The following GALNT7 variants were observed in gnomAD, a reference collection of about 807,000 sequenced individuals.
The protein encoded by GALNT7 is N-acetylgalactosaminyltransferase 7.
Under a neutral mutation model 82.1 loss-of-function variants are expected in GALNT7, and 60 were observed. The observed-to-expected ratio is 0.73, with a 90% CI of 0.59 to 0.91. The LOEUF is 0.91. Ranked by LOEUF, GALNT7 falls within the 40% of genes least tolerant of loss-of-function variation. GALNT7 has a pLI of 0.00. For synonymous variants in GALNT7, 243 were observed against 275.1 expected, an observed-to-expected ratio of 0.88 and a Z score of 1.15; for missense variants, 660 against 804.2, an observed-to-expected ratio of 0.82 and a Z score of 2.17.
chr4:173,238,142 CAT>C lies in GALNT7; in HGVS notation c.127-9835_127-9834del, dbSNP rs572155557. 1.9e-3 allele frequency among the ~76,000 whole-genome samples: 284 copies of C among 152,222 alleles called. 2 individuals are homozygous for C. The highest frequency in any genetic ancestry group is 6.6e-3 in the African/African-American group (274 of 41,554). The stretch of plus-strand genomic sequence containing the variant: ...AATATATATGCATACATAAATTATT[CAT>C]ATGTTTAAAATTTCTCACAGATTTT... On this transcript the variant is annotated intron_variant, in intron 1 of 11. Transcript: ENST00000265000.
intron 1 of GALNT7, among the ~76,000 whole-genome samples, chr4:173,246,045 G>A (rs1353303729): frequency 6.6e-6 from 1 of 152,136 alleles, no homozygotes; most frequent in Non-Finnish European, 1.5e-5. Flanking sequence ...ATTTAGGGGG[G>A]AACTTGTGAA....
At chr4:173,261,867 G>T (rs1028940521) in intron 2 of GALNT7, among the ~76,000 whole-genome samples, 4 of 151,666 alleles carry the variant, frequency 2.6e-5, no homozygotes, top group Admixed American at 6.6e-5. Context: ...AAATAATTAG[G>T]CTTTTATTTA....
rs537050920 is a variant in GALNT7 at position 173,203,769 on chromosome 4, G to A, written c.126+34808G>A. On this transcript the variant is annotated intron_variant, in intron 1 of 11. Coordinates refer to ENST00000265000, the MANE Select transcript of GALNT7 (RefSeq NM_017423.3). ...ACTTCCTCCCACATTTTACGCTTTT[G>A]ATGCCACAATTTATATTTTTATATT... Among the ~76,000 whole-genome samples the A allele has an allele frequency of 2.0e-4, 30 of 152,164 alleles. 1 individual carries two copies. The highest frequency in any genetic ancestry group is 6.3e-4 in the African/African-American group (26 of 41,524).
chr4:173,267,547 C>T (rs1434356577), intron 2 of GALNT7, among the ~76,000 whole-genome samples: 1 of 152,156 alleles, frequency 6.6e-6, no homozygotes, highest in Non-Finnish European at 1.5e-5. Flanking sequence ...ATAGGCACAG[C>T]AGGGGGACCA....
At chr4:173,208,169 T>C (rs1488845724) in intron 1 of GALNT7, among the ~76,000 whole-genome samples, 1 of 152,186 alleles carries the variant, frequency 6.6e-6, no homozygotes, top group Non-Finnish European at 1.5e-5. Flanking sequence ...ATTTTATTTG[T>C]GATATTTTAA....
intron 2 of GALNT7, among the ~76,000 whole-genome samples, chr4:173,250,627 C>T (rs1734813489): frequency 6.6e-6 from 1 of 152,162 alleles, no homozygotes; most frequent in African/African-American, 2.4e-5. Flanking sequence ...CTACTCTTGC[C>T]TCTTACTGTC....
chr4:173,170,326 C>A (rs1731818433), intron 1 of GALNT7, among the ~76,000 whole-genome samples: 2 of 152,208 alleles, frequency 1.3e-5, no homozygotes, highest in South Asian at 4.1e-4. Context: ...GCTTCTATGT[C>A]ATGTTTATTT....
intron 2 of GALNT7, among the ~76,000 whole-genome samples, chr4:173,262,075 C>T (rs943797113): frequency 6.6e-6 from 1 of 152,028 alleles, no homozygotes; most frequent in Non-Finnish European, 1.5e-5. Context: ...AACTGAATTC[C>T]AACACCTACC....
At chr4:173,220,265 T>A (rs1733601931) in intron 1 of GALNT7, among the ~76,000 whole-genome samples, 3 of 152,222 alleles carry the variant, frequency 2.0e-5, no homozygotes, top group Admixed American at 2.0e-4. Context: ...CCCCACTTTA[T>A]GTTTTTGTTT....
chr4:173,307,594 G>A (rs1201972999), intron 8 of GALNT7, among the ~76,000 whole-genome samples: 1 of 152,216 alleles, frequency 6.6e-6, no homozygotes, highest in Non-Finnish European at 1.5e-5. Context: ...AGAAGCATGC[G>A]TAGAGTTAGA....
intron 1 of GALNT7, among the ~76,000 whole-genome samples, chr4:173,204,104 A>G (rs1302972165): frequency 6.6e-6 from 1 of 152,176 alleles, no homozygotes; most frequent in Non-Finnish European, 1.5e-5. Flanking sequence ...AGCCAGGTAC[A>G]GTATTCTTGG....
chr4:173,255,672 T>G (rs1170240864), intron 2 of GALNT7, among the ~76,000 whole-genome samples: 1 of 152,134 alleles, frequency 6.6e-6, no homozygotes, highest in Non-Finnish European at 1.5e-5. Context: ...TTAAGGGATG[T>G]TTTTTGTACC....
At chr4:173,229,597 C>T (rs945639828) in intron 1 of GALNT7, among the ~76,000 whole-genome samples, 13 of 152,096 alleles carry the variant, frequency 8.5e-5, no homozygotes, top group African/African-American at 2.2e-4. Context: ...CCTTGGAGCA[C>T]GGCTTTTATC....
At chr4:173,253,717 C>T (rs542365206) in intron 2 of GALNT7, among the ~76,000 whole-genome samples, 15 of 152,106 alleles carry the variant, frequency 9.9e-5, no homozygotes, top group African/African-American at 3.6e-4. Flanking sequence ...CAGAAAGAGG[C>T]TGGTTAGGAT....
chr4:173,266,939 T>A (rs73001510), intron 2 of GALNT7, among the ~76,000 whole-genome samples: 1 of 133,610 alleles, frequency 7.5e-6, no homozygotes, highest in African/African-American at 2.8e-5. Flanking sequence ...AGGGCTGGGA[T>A]GTGGGATAAA....
intron 1 of GALNT7, among the ~76,000 whole-genome samples, chr4:173,195,764 C>T (rs370548609): frequency 2.0e-5 from 3 of 152,152 alleles, no homozygotes; most frequent in South Asian, 4.1e-4. Flanking sequence ...GGAATTTACA[C>T]TTGGTTTACT....
chr4:173,231,769 CTG>C (rs1211844040), intron 1 of GALNT7, among the ~76,000 whole-genome samples: 1 of 152,070 alleles, frequency 6.6e-6, no homozygotes, highest in East Asian at 1.9e-4. Context: ...TGTTGAATAA[CTG>C]TTATTATTTT....
chr4:173,302,544 T>G lies in GALNT7; in HGVS notation c.1266+380T>G, dbSNP rs1385754031. On this transcript the variant is annotated intron_variant, in intron 7 of 11. Transcript: ENST00000265000. This position sits in a 1 kb window ranked among gnomAD's most constrained non-coding sequence, Gnocchi z 4.2. Reference sequence around the variant, plus strand: ...AGTCACCCTTTACCACTGTAGGACATGATTCAAGACAGAAGCAGAGCCCCA... The same window carrying G: ...AGTCACCCTTTACCACTGTAGGACAGGATTCAAGACAGAAGCAGAGCCCCA... Among the ~76,000 whole-genome samples the G allele has an allele frequency of 1.3e-5, 2 of 152,182 alleles. No individual in the cohort carries two copies. The highest frequency in any genetic ancestry group is 2.9e-5 in the Non-Finnish European group (2 of 68,018).
At chr4:173,203,406 A>G (rs1215651556) in intron 1 of GALNT7, among the ~76,000 whole-genome samples, 3 of 152,170 alleles carry the variant, frequency 2.0e-5, no homozygotes, top group African/African-American at 7.2e-5. Context: ...TTGTTTTTTT[A>G]TCCATTCAAC....
Sources: allele counts gnomAD v4.1 joint callset (sites outside exome capture counted in the v4.1 genomes callset), GRCh38; gene constraint gnomAD v4.1.1; non-coding constraint Gnocchi (gnomAD v3.1); transcripts MANE v1.5; gene names NCBI Gene and HGNC (gene_info 2026-07-23, HGNC 2026-07-21).